The following MARCHF8 variants were observed in gnomAD, a reference collection of about 807,000 sequenced individuals.
MARCHF8 encodes membrane associated ring-CH-type finger 8, also known as E3 ubiquitin-protein ligase MARCHF8.
In MARCHF8, 40 loss-of-function variants were observed where a neutral mutation model predicts 51.6. That is an observed-to-expected ratio of 0.77 (90% confidence interval 0.60 to 1.01). The LOEUF is 1.01. Ranked by LOEUF, MARCHF8 falls within the 50% of genes least tolerant of loss-of-function variation. The pLI is 0.00. For missense variants in MARCHF8, 685 were observed against 708.6 expected, an observed-to-expected ratio of 0.97 and a Z score of 0.38; for synonymous variants, 263 against 280.3, an observed-to-expected ratio of 0.94 and a Z score of 0.62.
chr10:45,457,303 T>A lies in MARCHF8; in HGVS notation c.*936A>T, dbSNP rs755946189. The A allele has an allele frequency of 6.6e-6, 1 of 152,226 alleles. No individual in the cohort carries two copies. The highest frequency in any genetic ancestry group is 1.5e-5 in the Non-Finnish European group (1 of 68,046). The allele number at this position is 152,226 out of a possible 1,614,324, so 9.4% of individuals were successfully genotyped here. ...TCTCAGAAACTGTTCTTTTTCAGTG[T>A]TGACAAAAAAGAAATGTATGGGCCA... On this transcript the variant is annotated 3_prime_UTR_variant, in exon 8 of 8. Transcript: ENST00000453424.
chr10:45,571,924 G>A (rs1239534778), intron 1 of MARCHF8, among the ~76,000 whole-genome samples: 1 of 152,130 alleles, frequency 6.6e-6, no homozygotes, highest in Non-Finnish European at 1.5e-5. Context: ...GTCTTCCCTT[G>A]GTGTTTAATC....
In MARCHF8 at chr10:45,463,409, A is replaced by G; in HGVS notation, c.830T>C (p.Phe277Ser). The change falls in exon 5 of 8, where the codon TTC becomes TCC. Residue 277 changes from phenylalanine to serine, a missense_variant. By Grantham distance (155) the Phe-to-Ser change is radical. Coordinates refer to ENST00000453424, the MANE Select transcript of MARCHF8 (RefSeq NM_001282866.2). ...HGLSASSLHR[F>S]HELESCAARL... is the part of the protein sequence containing the mutation. ...AGCAGCGCAGCTCTCCAGCTCATGG[A>G]ACCTGTGCAGGCTGCTGGCGCTCAA... 2 of 1,550,630 alleles carry G rather than the reference A, an allele frequency of 1.3e-6. No homozygotes were observed. The highest frequency in any genetic ancestry group is 2.4e-5 in the South Asian group (2 of 84,066).
intron 1 of MARCHF8, among the ~76,000 whole-genome samples, chr10:45,540,809 C>T (rs1015311196): frequency 6.6e-6 from 1 of 152,142 alleles, no homozygotes; most frequent in Non-Finnish European, 1.5e-5. Context: ...CCAAAAGACA[C>T]ATGAAAAAAT....
chr10:45,468,381 C>T (rs1843040825), intron 3 of MARCHF8, among the ~76,000 whole-genome samples: 2 of 152,214 alleles, frequency 1.3e-5, no homozygotes, highest in South Asian at 2.1e-4. Context: ...TGGCCTCTGG[C>T]GCCTTCTGCC....
intron 1 of MARCHF8, among the ~76,000 whole-genome samples, chr10:45,586,294 AT>A (rs2044617884): frequency 6.6e-6 from 1 of 152,200 alleles, no homozygotes; most frequent in Admixed American, 6.5e-5. Flanking sequence ...AGAATTACAC[AT>A]CAATCAAATC....
chr10:45,586,901 T>C (rs545574997), intron 1 of MARCHF8, among the ~76,000 whole-genome samples: 30 of 152,278 alleles, frequency 2.0e-4, no homozygotes, highest in Admixed American at 1.9e-3. Flanking sequence ...TCCCAGTCTA[T>C]AGTATACTGT....
intron 1 of MARCHF8, among the ~76,000 whole-genome samples, chr10:45,587,532 C>T (rs961938064): frequency 2.0e-5 from 3 of 152,074 alleles, no homozygotes; most frequent in Admixed American, 6.5e-5. Flanking sequence ...CCAAGACAAT[C>T]CCAATTGAAA....
At chr10:45,549,039 A>C (rs1341542284) in intron 1 of MARCHF8, among the ~76,000 whole-genome samples, 1 of 151,726 alleles carries the variant, frequency 6.6e-6, no homozygotes, top group Non-Finnish European at 1.5e-5. Flanking sequence ...TACCTTCTTG[A>C]GCTCCTACAA....
At position 45,545,201 on chromosome 10, in the gene MARCHF8, G is replaced by A. The variant is rs117046008; in HGVS notation, c.-78-11912C>T. Among the ~76,000 whole-genome samples the A allele has an allele frequency of 1.4e-3, 214 of 152,208 alleles. 1 individual carries two copies. Among genetic ancestry groups the A allele is most frequent in the Non-Finnish European group, 2.3e-3 (154 of 68,012 alleles). On this transcript the variant is annotated intron_variant, in intron 1 of 6. Coordinates refer to the MARCHF8 transcript ENST00000319836. ...TAATGACTTTCTCCCCTACTCAGCC[G>A]TAAGCTCCCCAAAGGCAGCATATCT...
chr10:45,533,403 C>G, intron 1 of MARCHF8, 114 bp from the exon 2 acceptor site: 2 of 558,356 alleles, frequency 3.6e-6, no homozygotes, highest in Non-Finnish European at 5.2e-6. Flanking sequence ...TAAGTTACGG[C>G]AACATAAATG....
intron 2 of MARCHF8, among the ~76,000 whole-genome samples, chr10:45,507,429 G>A (rs182358814): frequency 6.6e-5 from 10 of 152,286 alleles, no homozygotes; most frequent in Admixed American, 4.6e-4. Flanking sequence ...TCTGCTTCCA[G>A]AGAGACACTC....
chr10:45,482,888 G>A (rs2042913137), intron 3 of MARCHF8, among the ~76,000 whole-genome samples: 1 of 152,216 alleles, frequency 6.6e-6, no homozygotes, highest in Non-Finnish European at 1.5e-5. Flanking sequence ...ACATGCGTTA[G>A]GGAAAGGATA....
At position 45,458,513 on chromosome 10, in the gene MARCHF8, A is replaced by T. The variant is rs1704481954; in HGVS notation, c.1448T>A (p.Leu483Ter). 1 of 1,603,764 alleles carries T rather than the reference A, an allele frequency of 6.2e-7. No homozygotes were observed. The highest frequency in any genetic ancestry group is 1.7e-5 in the Admixed American group (1 of 58,252). Residue 483 changes from leucine (L) to a stop codon, truncating the protein, a stop_gained, in exon 8 of 8, where the codon TTG becomes TAG. Transcript: ENST00000453424. LOFTEE classifies it high-confidence loss of function. Reference sequence around the variant, plus strand: ...GGTGAAGCCGATGGCCACAACCACCAATTTAGTCCAAAAGGGCCATTCTAG... The same window carrying T: ...GGTGAAGCCGATGGCCACAACCACCTATTTAGTCCAAAAGGGCCATTCTAG... ...GILEWPFWTK[L>*]VVVAIGFTGG...
At position 45,579,728 on chromosome 10, in the gene MARCHF8, A is replaced by T. The variant is rs146782756; in HGVS notation, c.-79+14507T>A. Among the ~76,000 whole-genome samples the T allele has an allele frequency of 1.0e-3, 157 of 152,128 alleles. 3 individuals are homozygous for T. The East Asian group carries it at 0.027, about 26-fold the overall frequency. On this transcript the variant is annotated intron_variant, in intron 1 of 6. Coordinates refer to the MARCHF8 transcript ENST00000319836. ...AATCAAGAGCCTTAAAAATATCCACACCAGGCCAGGCGTGGTGGCTCACGC... is the reference window on the plus strand; with the variant it reads ...AATCAAGAGCCTTAAAAATATCCACTCCAGGCCAGGCGTGGTGGCTCACGC...
chr10:45,553,490 C>T (rs1231381210), intron 1 of MARCHF8, among the ~76,000 whole-genome samples: 1 of 152,178 alleles, frequency 6.6e-6, no homozygotes, highest in Non-Finnish European at 1.5e-5. Flanking sequence ...TTCCTGAAGT[C>T]AAGTTGTTTT....
intron 2 of MARCHF8, among the ~76,000 whole-genome samples, chr10:45,495,824 G>A (rs941592264): frequency 6.0e-5 from 9 of 149,262 alleles, no homozygotes; most frequent in Non-Finnish European, 1.2e-4. Context: ...GAAAGGAAAG[G>A]AAGAAAAGAG....
At chr10:45,484,764 G>A (rs543893017) in intron 3 of MARCHF8, among the ~76,000 whole-genome samples, 7 of 152,110 alleles carry the variant, frequency 4.6e-5, no homozygotes, top group East Asian at 1.9e-4. Flanking sequence ...GAGGCCTCTC[G>A]GACAGAACAA....
At chr10:45,553,819 A>G (rs2044222362) in intron 1 of MARCHF8, among the ~76,000 whole-genome samples, 1 of 140,524 alleles carries the variant, frequency 7.1e-6, no homozygotes, top group Admixed American at 7.1e-5. Flanking sequence ...ACGTGTGTGC[A>G]CATGCATGGA....
At chr10:45,512,301 G>C (rs1236619943) in intron 2 of MARCHF8, among the ~76,000 whole-genome samples, 25 of 151,754 alleles carry the variant, frequency 1.6e-4, no homozygotes, top group African/African-American at 4.8e-4. Flanking sequence ...CCCCGTCTGG[G>C]AAGTGAGGAG....
Sources: allele counts gnomAD v4.1 joint callset (sites outside exome capture counted in the v4.1 genomes callset), GRCh38; gene constraint gnomAD v4.1.1; transcripts MANE v1.5; gene names NCBI Gene and HGNC (gene_info 2026-07-23, HGNC 2026-07-21).